Variants in CSMD1 observed in about 807,000 individuals in gnomAD.
CSMD1 encodes the protein CUB and sushi domain-containing protein 1.
In CSMD1, 213 loss-of-function variants were observed where a neutral mutation model predicts 417.5. The ratio of observed to expected loss-of-function variants is 0.51; its 90% CI spans 0.46 to 0.57. The LOEUF (loss-of-function observed/expected upper bound fraction) is 0.57, where lower values mean the gene tolerates loss of function less well. Ranked by LOEUF, CSMD1 falls within the 20% of genes least tolerant of loss-of-function variation. The pLI is 0.00. For missense variants in CSMD1, 6,923 were observed against 4,529.7 expected, an observed-to-expected ratio of 1.53 and a Z score of -15.17; for synonymous variants, 2,862 against 1,736.8, an observed-to-expected ratio of 1.65 and a Z score of -16.11.
chr8:3,883,716 T>C (rs1288842641), intron 5 of CSMD1, among the ~76,000 whole-genome samples: 2 of 152,172 alleles, frequency 1.3e-5, no homozygotes, highest in Non-Finnish European at 2.9e-5. Context: ...TTATGATTTA[T>C]GGCTTGAAAG....
chr8:4,458,281 A>G (rs1799605530), intron 2 of CSMD1, among the ~76,000 whole-genome samples: 1 of 152,162 alleles, frequency 6.6e-6, no homozygotes, highest in Admixed American at 6.5e-5. Flanking sequence ...ACACTCAATG[A>G]GAAATATCTT....
intron 7 of CSMD1, among the ~76,000 whole-genome samples, chr8:3,622,976 C>T (rs1423700508): frequency 2.6e-5 from 4 of 152,098 alleles, no homozygotes; most frequent in Non-Finnish European, 5.9e-5. Context: ...CTTTTCAGAT[C>T]TCATAGAACA....
intron 3 of CSMD1, among the ~76,000 whole-genome samples, chr8:4,329,893 C>T (rs1047252370): frequency 6.6e-6 from 1 of 151,890 alleles, no homozygotes; most frequent in Non-Finnish European, 1.5e-5. Context: ...CACTCTTTCT[C>T]TCTTGTTCCT....
chr8:4,304,020 A>T (rs1051550909), intron 3 of CSMD1, among the ~76,000 whole-genome samples: 2 of 152,196 alleles, frequency 1.3e-5, no homozygotes, highest in African/African-American at 4.8e-5. Flanking sequence ...CGTCCATAAA[A>T]GAACCAAGAA....
intron 7 of CSMD1, among the ~76,000 whole-genome samples, chr8:3,635,328 G>C (rs946245358): frequency 5.3e-5 from 8 of 151,970 alleles, no homozygotes; most frequent in South Asian, 4.2e-4. Flanking sequence ...ACAAAAATTA[G>C]CCAGGCAAAG....
intron 49 of CSMD1, among the ~76,000 whole-genome samples, chr8:3,060,356 G>A (rs1033756479): frequency 1.3e-5 from 2 of 151,936 alleles, no homozygotes; most frequent in African/African-American, 4.8e-5. Flanking sequence ...ATGTTGGCCA[G>A]ACTGATCTTG....
chr8:4,346,124 G>C (rs1242731005), intron 3 of CSMD1, among the ~76,000 whole-genome samples: 9 of 152,086 alleles, frequency 5.9e-5, no homozygotes, highest in Non-Finnish European at 1.2e-4. Flanking sequence ...AAAGGACCTG[G>C]AGGTTTTTCT....
intron 3 of CSMD1, among the ~76,000 whole-genome samples, chr8:4,402,821 CTTTTTTTTTTTTTTTT>C (rs1804738946): frequency 1.4e-4 from 9 of 66,354 alleles, no homozygotes; most frequent in Non-Finnish European, 1.7e-4. Context: ...TTTTTTTTTT[CTTTTTTTTTTTTTTTT>C]GGAGACAGAG....
At chr8:3,091,741 A>T (rs1287845707) in intron 47 of CSMD1, 79 bp from the exon 48 acceptor site, 17 of 1,312,790 alleles carry the variant, frequency 1.3e-5, no homozygotes, top group Middle Eastern at 1.8e-4. Flanking sequence ...GCTTTTGATT[A>T]CACTGGAGTC....
chr8:3,889,265 T>G (rs901419931), intron 5 of CSMD1, among the ~76,000 whole-genome samples: 1 of 151,542 alleles, frequency 6.6e-6, no homozygotes, highest in African/African-American at 2.4e-5. Flanking sequence ...TTCTTAAATG[T>G]TTTTCTAGAA....
chr8:3,399,945 T>G (rs1811937888), intron 15 of CSMD1, among the ~76,000 whole-genome samples: 1 of 152,208 alleles, frequency 6.6e-6, no homozygotes, highest in African/African-American at 2.4e-5. Flanking sequence ...CCCTTAGGTG[T>G]GTGTATGCAT....
At chr8:3,335,380 A>T (rs923506980) in intron 23 of CSMD1, among the ~76,000 whole-genome samples, 1 of 152,186 alleles carries the variant, frequency 6.6e-6, no homozygotes, top group Non-Finnish European at 1.5e-5. Flanking sequence ...CACATTTCAT[A>T]TAAGAAGAAA....
At chr8:4,708,383 C>T (rs1467989947) in intron 1 of CSMD1, among the ~76,000 whole-genome samples, 1 of 152,174 alleles carries the variant, frequency 6.6e-6, no homozygotes, top group African/African-American at 2.4e-5. Context: ...TTATTCTGTT[C>T]AGTGCCTAAA....
intron 17 of CSMD1, among the ~76,000 whole-genome samples, chr8:3,395,732 G>A (rs1039179705): frequency 6.6e-6 from 1 of 152,122 alleles, no homozygotes; most frequent in Middle Eastern, 3.2e-3. Context: ...CTTGTTACCT[G>A]ACTTTCACCC....
intron 1 of CSMD1, among the ~76,000 whole-genome samples, chr8:4,990,990 T>C (rs1811434609): frequency 6.6e-6 from 1 of 152,156 alleles, no homozygotes; most frequent in Non-Finnish European, 1.5e-5. Flanking sequence ...CACCTTTCTC[T>C]TTCGGGCTTC....
intron 1 of CSMD1, among the ~76,000 whole-genome samples, chr8:4,738,605 C>G (rs1810397516): frequency 6.6e-6 from 1 of 152,058 alleles, no homozygotes. Context: ...ATATCACCAT[C>G]TAGCATCTGT....
At chr8:4,037,350 G>T (rs1563347962) in intron 3 of CSMD1, among the ~76,000 whole-genome samples, 1 of 152,140 alleles carries the variant, frequency 6.6e-6, no homozygotes, top group African/African-American at 2.4e-5. Context: ...CACTTGAAGT[G>T]AGCACTTGCT....
intron 7 of CSMD1, among the ~76,000 whole-genome samples, chr8:3,657,015 A>G (rs994433412): frequency 1.3e-5 from 2 of 152,018 alleles, no homozygotes; most frequent in Admixed American, 6.6e-5. Flanking sequence ...CTCATGGCCA[A>G]TGAGACATAC....
At chr8:4,041,422 A>G (rs1797889968) in intron 3 of CSMD1, among the ~76,000 whole-genome samples, 1 of 152,210 alleles carries the variant, frequency 6.6e-6, no homozygotes, top group Admixed American at 6.5e-5. Flanking sequence ...CTACGAAAAA[A>G]GCAACTTCTT....
Sources: gnomAD v4.1 joint callset for allele counts (sites outside exome capture counted in the v4.1 genomes callset) on GRCh38, gnomAD v4.1.1 for gene constraint, MANE v1.5 for transcripts, NCBI Gene and HGNC (gene_info 2026-07-23, HGNC 2026-07-21) for gene names.